TNIK: variants seen among roughly 807,000 people sequenced by gnomAD.
TNIK encodes TRAF2 and NCK-interacting protein kinase.
Under a neutral mutation model 191.3 loss-of-function variants are expected in TNIK, and 49 were observed. That is an observed-to-expected ratio of 0.26 (90% CI 0.20 to 0.32). The LOEUF is 0.32. TNIK is among the 10% of genes least tolerant of loss of function. The probability of loss-of-function intolerance (pLI) is 1.00; values close to 1 mark genes in which losing one functional copy is unlikely to be tolerated. For missense variants in TNIK, 1,155 were observed against 1,702.3 expected, an observed-to-expected ratio of 0.68 and a Z score of 5.66; for synonymous variants, 594 against 600.9, an observed-to-expected ratio of 0.99 and a Z score of 0.17.
chr3:171,072,244 A>T (rs1719279775), intron 28 of TNIK, among the ~76,000 whole-genome samples: 2 of 152,208 alleles, frequency 1.3e-5, no homozygotes, highest in Non-Finnish European at 1.5e-5. Context: ...ATATCTCAAG[A>T]AACAGAATAT....
chr3:171,293,009 A>T (rs1472763520), intron 2 of TNIK, among the ~76,000 whole-genome samples: 2 of 151,888 alleles, frequency 1.3e-5, no homozygotes, highest in Non-Finnish European at 2.9e-5. Context: ...CACCCCACTA[A>T]AGTCCTTTTT....
intron 2 of TNIK, among the ~76,000 whole-genome samples, chr3:171,238,316 A>T (rs1188438861): frequency 6.7e-6 from 1 of 148,718 alleles, no homozygotes; most frequent in African/African-American, 2.5e-5. Context: ...CCTATCTCTA[A>T]AAAAAAAAAA....
intron 15 of TNIK, among the ~76,000 whole-genome samples, chr3:171,136,868 A>G (rs566514018): frequency 5.3e-5 from 8 of 152,312 alleles, no homozygotes; most frequent in Admixed American, 3.9e-4. Context: ...TGGGAGTAGG[A>G]TCACAAAATT....
chr3:171,383,038 T>C (rs1473422710), intron 1 of TNIK, among the ~76,000 whole-genome samples: 1 of 152,082 alleles, frequency 6.6e-6, no homozygotes, highest in Non-Finnish European at 1.5e-5. Flanking sequence ...TCTGCATCAA[T>C]CCTGTGAAGT....
intron 22 of TNIK, among the ~76,000 whole-genome samples, chr3:171,098,507 T>A (rs73169756): frequency 0.012 from 1,900 of 152,300 alleles, 27 homozygotes; most frequent in Middle Eastern, 0.027. Flanking sequence ...AAGTGCACTC[T>A]CATAAGTTAT....
At chr3:171,360,443 G>C (rs1348515441) in intron 2 of TNIK, among the ~76,000 whole-genome samples, 1 of 152,208 alleles carries the variant, frequency 6.6e-6, no homozygotes, top group Non-Finnish European at 1.5e-5. Context: ...ATCCAGACTA[G>C]TGCTCTACTT....
intron 18 of TNIK, among the ~76,000 whole-genome samples, chr3:171,112,328 GAC>G (rs1015156310): frequency 2.0e-5 from 3 of 152,198 alleles, no homozygotes; most frequent in Non-Finnish European, 2.9e-5. Flanking sequence ...AACAGAAGAT[GAC>G]AGTCATGCCT....
chr3:171,122,266 A>G (rs73879302), intron 18 of TNIK, among the ~76,000 whole-genome samples: 3,213 of 152,332 alleles, frequency 0.021, 116 homozygotes, highest in African/African-American at 0.074. Flanking sequence ...CCCCGGGGGC[A>G]GGGTTCAAAG....
At chr3:171,273,272 C>T (rs1299069715) in intron 2 of TNIK, among the ~76,000 whole-genome samples, 2 of 152,184 alleles carry the variant, frequency 1.3e-5, no homozygotes, top group Non-Finnish European at 1.5e-5. Flanking sequence ...TCTGGAGGTT[C>T]AATCTGTGGG....
chr3:171,208,284 G>T (rs775062104), intron 4 of TNIK, among the ~76,000 whole-genome samples: 2 of 152,026 alleles, frequency 1.3e-5, no homozygotes, highest in African/African-American at 2.4e-5. Context: ...CGGTGCCACC[G>T]CACTCCAGCC....
At chr3:171,248,804 T>C (rs1745903533) in intron 2 of TNIK, among the ~76,000 whole-genome samples, 2 of 152,256 alleles carry the variant, frequency 1.3e-5, no homozygotes, top group Admixed American at 6.5e-5. Flanking sequence ...AAGGACTAGA[T>C]GACTTATTCA....
At chr3:171,261,290 G>T (rs114609934) in intron 2 of TNIK, among the ~76,000 whole-genome samples, 3 of 152,228 alleles carry the variant, frequency 2.0e-5, no homozygotes, top group Non-Finnish European at 4.4e-5. Context: ...TTAGTAAACA[G>T]ACATACATAT....
intron 1 of TNIK, among the ~76,000 whole-genome samples, chr3:171,448,565 T>G (rs1195105028): frequency 1.4e-5 from 2 of 147,926 alleles, no homozygotes; most frequent in East Asian, 3.9e-4. Context: ...AATATTCATG[T>G]ACACTTTTTT....
At chr3:171,299,433 GA>G (rs535747847) in intron 2 of TNIK, among the ~76,000 whole-genome samples, 229 of 152,286 alleles carry the variant, frequency 1.5e-3, no homozygotes, top group African/African-American at 5.3e-3. Flanking sequence ...TGCCTTGCCA[GA>G]CGGATCTATG....
At chr3:171,387,268 G>A (rs546537103) in intron 1 of TNIK, among the ~76,000 whole-genome samples, 1 of 152,334 alleles carries the variant, frequency 6.6e-6, no homozygotes, top group East Asian at 1.9e-4. Flanking sequence ...AGAGGCAGTA[G>A]AGGTAAGTGT....
intron 2 of TNIK, among the ~76,000 whole-genome samples, chr3:171,324,268 T>C (rs1443595187): frequency 6.6e-6 from 1 of 152,154 alleles, no homozygotes; most frequent in Non-Finnish European, 1.5e-5. Context: ...TTGAATTCTT[T>C]TGAGTAACTG....
intron 2 of TNIK, among the ~76,000 whole-genome samples, chr3:171,231,518 C>T (rs1270118133): frequency 6.6e-6 from 1 of 152,070 alleles, no homozygotes; most frequent in African/African-American, 2.4e-5. Flanking sequence ...AATTAGCAGC[C>T]TCAGATCACT....
At chr3:171,413,502 C>T (rs1488083647) in intron 1 of TNIK, among the ~76,000 whole-genome samples, 1 of 152,154 alleles carries the variant, frequency 6.6e-6, no homozygotes, top group Non-Finnish European at 1.5e-5. Context: ...TGGCCGGATC[C>T]TCTCAGCATC....
At position 171,101,439 on chromosome 3, in the gene TNIK, GT is replaced by G; in HGVS notation, c.2591+9del. On this transcript the variant is annotated intron_variant, in intron 22 of 32. Coordinates refer to ENST00000436636, the MANE Select transcript of TNIK (RefSeq NM_015028.4). The stretch of plus-strand genomic sequence containing the variant: ...CCTCCCGGTCTACACTTTAAAAGTA[GT>G]TCTCTTACATCAGTCTGGGTATGTC... 6.3e-7 allele frequency: 1 copy of G among 1,589,178 alleles called. No individual in the cohort carries two copies. The highest frequency in any genetic ancestry group is 8.5e-7 in the Non-Finnish European group (1 of 1,171,590).
Sources: allele counts gnomAD v4.1 joint callset (sites outside exome capture counted in the v4.1 genomes callset), GRCh38; gene constraint gnomAD v4.1.1; transcripts MANE v1.5; gene names NCBI Gene and HGNC (gene_info 2026-07-23, HGNC 2026-07-21).